TARBP1: variants seen among roughly 807,000 people sequenced by gnomAD.
TARBP1 encodes tRNA (guanosine(18)-2'-O)-methyltransferase TARBP1.
Under a neutral mutation model 178.6 loss-of-function variants are expected in TARBP1, and 144 were observed. The ratio of observed to expected loss-of-function variants is 0.81; its 90% CI spans 0.70 to 0.93. TARBP1 has a LOEUF of 0.93. Ranked by LOEUF, TARBP1 falls within the 40% of genes least tolerant of loss-of-function variation. The pLI is 0.00. For missense variants in TARBP1, 2,067 were observed against 2,011.7 expected (o/e 1.03, Z -0.53); for synonymous variants, 787 against 781.0 (o/e 1.01, Z -0.13).
rs113100804 is a variant in TARBP1, at chr1:234,462,193, C to T, written c.1399+1644G>A. On this transcript the variant is annotated intron_variant, in intron 6 of 29. Transcript: ENST00000040877. ...CAATGGCCAAGTTTCTATTTCACAT[C>T]GATTCAACATATTTACCAAGCATCT... Among the ~76,000 whole-genome samples, 810 of 152,350 alleles carry T rather than the reference C, an allele frequency of 5.3e-3. 8 individuals are homozygous for T. Among genetic ancestry groups the T allele is most frequent in the African/African-American group, 0.019 (776 of 41,574 alleles).
chr1:234,429,756 T>G, intron 15 of TARBP1, 79 bp from the exon 16 acceptor site: 19 of 777,190 alleles, frequency 2.4e-5, no homozygotes, highest in South Asian at 3.3e-5. Flanking sequence ...CACTATCCTT[T>G]CTAAAGGTGG....
chr1:234,467,624 G>A lies in TARBP1; in HGVS notation c.1126C>T (p.His376Tyr). The A allele has an allele frequency of 6.3e-7, 1 of 1,597,878 alleles. No homozygotes were observed. The highest frequency in any genetic ancestry group is 8.5e-7 in the Non-Finnish European group (1 of 1,175,674). Residue 376 changes from histidine (H) to tyrosine (Y), a missense_variant, in exon 4 of 30, where the codon CAT becomes TAT. Coordinates refer to ENST00000040877, the MANE Select transcript of TARBP1 (RefSeq NM_005646.4). Reference protein sequence around the residue: ...NGCWLFHPSWHMCIYKRMFES... With the variant: ...NGCWLFHPSWYMCIYKRMFES... ...AACATTCTTTTATAAATACACATATGCCAGGATGGGTGAAAGAGCCAACAT... is the reference window on the plus strand; with the variant it reads ...AACATTCTTTTATAAATACACATATACCAGGATGGGTGAAAGAGCCAACAT...
In TARBP1 at chr1:234,478,469, C is replaced by T; in HGVS notation, c.635G>A (p.Gly212Asp). The T allele has an allele frequency of 7.2e-7, 1 of 1,382,044 alleles. No individual in the cohort carries two copies. Among genetic ancestry groups the T allele is most frequent in the Non-Finnish European group, 9.4e-7 (1 of 1,064,606 alleles). 85.6% of individuals were successfully genotyped at this position (1,382,044 alleles called of 1,614,324 possible). A position where few individuals can be genotyped will look rare whatever the true frequency, so the allele number is the denominator to read the frequency against. Residue 212 changes from glycine (G) to aspartate (D), a missense_variant, in exon 1 of 30, where the codon GGC becomes GAC. Coordinates refer to ENST00000040877, the MANE Select transcript of TARBP1 (RefSeq NM_005646.4). The stretch of plus-strand genomic sequence containing the variant: ...GGACGCCCCAGGCGCGGCCAGCCCG[C>T]CCCACACGGCCCGCAGCGCCGCCCC... ...CGGAALRAVW[G>D]GLAAPGASLG... is the part of the protein sequence containing the mutation.
chr1:234,431,553 T>G (rs1664432296), intron 14 of TARBP1, among the ~76,000 whole-genome samples: 1 of 152,224 alleles, frequency 6.6e-6, no homozygotes, highest in Admixed American at 6.5e-5. Flanking sequence ...CTGGATTAGT[T>G]ACACTGATTG....
At chr1:234,406,226 T>A in intron 23 of TARBP1, 127 bp from the exon 24 acceptor site, 1 of 810,488 alleles carries the variant, frequency 1.2e-6, no homozygotes, top group East Asian at 2.7e-5. Context: ...CTGGCTTTGC[T>A]ACCAGGGCCT....
intron 1 of TARBP1, among the ~76,000 whole-genome samples, chr1:234,475,216 C>T (rs1669466195): frequency 1.3e-5 from 2 of 152,302 alleles, no homozygotes; most frequent in Non-Finnish European, 2.9e-5. Flanking sequence ...GAGGCCCAGC[C>T]ATGCCCTGCA....
At chr1:234,419,378 T>C (rs1365081297) in intron 21 of TARBP1, among the ~76,000 whole-genome samples, 2 of 151,576 alleles carry the variant, frequency 1.3e-5, no homozygotes, top group African/African-American at 4.9e-5. Flanking sequence ...TCCACCTCTA[T>C]CATTCACCAC....
At chr1:234,411,343 A>G (rs1661798722) in intron 22 of TARBP1, among the ~76,000 whole-genome samples, 1 of 152,186 alleles carries the variant, frequency 6.6e-6, no homozygotes. Flanking sequence ...AAAAGACTTG[A>G]GCATCCTCAG....
chr1:234,391,759 T>G lies in TARBP1; in HGVS notation c.4698-14A>C. On this transcript the variant is annotated splice_polypyrimidine_tract_variant and intron_variant, in intron 29 of 29. Transcript: ENST00000040877. The stretch of plus-strand genomic sequence containing the variant: ...TCACGTTCATTTCTGAGGAAGAAAA[T>G]GGAAGAAAGATTAGTTTTCCTGTAA... 6.2e-7 allele frequency: 1 copy of G among 1,608,576 alleles called. No homozygotes were observed. The highest frequency in any genetic ancestry group is 1.1e-5 in the South Asian group (1 of 89,796).
At chr1:234,436,147 T>A (rs1436794646) in intron 13 of TARBP1, among the ~76,000 whole-genome samples, 6 of 152,226 alleles carry the variant, frequency 3.9e-5, no homozygotes, top group Non-Finnish European at 8.8e-5. Context: ...CCTCTGTTTT[T>A]AGCTTCAAAA....
At chr1:234,424,645 G>A (rs1663494244) in intron 20 of TARBP1, among the ~76,000 whole-genome samples, 1 of 152,154 alleles carries the variant, frequency 6.6e-6, no homozygotes, top group Non-Finnish European at 1.5e-5. Context: ...CATAACTGGG[G>A]CCAAGCACAG....
At chr1:234,417,141 A>C (rs1662519093) in intron 22 of TARBP1, among the ~76,000 whole-genome samples, 1 of 152,380 alleles carries the variant, frequency 6.6e-6, no homozygotes, top group Non-Finnish European at 1.5e-5. Flanking sequence ...TCTGCAGCTC[A>C]GATAAAATCC....
intron 26 of TARBP1, among the ~76,000 whole-genome samples, chr1:234,396,203 A>T (rs145831970): frequency 3.0e-4 from 45 of 152,322 alleles, no homozygotes; most frequent in Non-Finnish European, 5.3e-4. Context: ...CCATTCCAGT[A>T]ACACTGTATT....
At chr1:234,433,932 C>T (rs1042211387) in intron 13 of TARBP1, among the ~76,000 whole-genome samples, 1 of 152,206 alleles carries the variant, frequency 6.6e-6, no homozygotes, top group Non-Finnish European at 1.5e-5. Flanking sequence ...ATGACTACTT[C>T]CACTGTTTAC....
At position 234,467,561 on chromosome 1, in the gene TARBP1, T is replaced by A. The variant is rs1668574618; in HGVS notation, c.1189A>T (p.Ile397Phe). Residue 397 changes from isoleucine to phenylalanine, a missense_variant, in exon 4 of 30, where the codon ATC (isoleucine) becomes TTC (phenylalanine). By Grantham distance (21) the Ile-to-Phe change is conservative. Coordinates refer to ENST00000040877, the MANE Select transcript of TARBP1 (RefSeq NM_005646.4). ...ENKILSKEGV[I>F]HFLELYETKI... ...GTTTCATACAGCTCCAAAAAATGGA[T>A]AACACCTTCTTTGGACAGGATTTTG... 1 of 1,607,546 alleles carries A rather than the reference T, an allele frequency of 6.2e-7. No homozygotes were observed. Among genetic ancestry groups the A allele is most frequent in the East Asian group, 2.3e-5 (1 of 44,260 alleles).
intron 4 of TARBP1, among the ~76,000 whole-genome samples, chr1:234,466,486 T>C (rs1668450400): frequency 1.3e-5 from 2 of 152,012 alleles, no homozygotes; most frequent in Non-Finnish European, 2.9e-5. Context: ...CACTCCAGCC[T>C]CGGCAACAGA....
intron 22 of TARBP1, among the ~76,000 whole-genome samples, chr1:234,417,083 G>T (rs969515406): frequency 6.6e-6 from 1 of 152,234 alleles, no homozygotes; most frequent in Non-Finnish European, 1.5e-5. Flanking sequence ...CTACCAATGC[G>T]AAGGCGTGAA....
At position 234,446,802 on chromosome 1, in the gene TARBP1, C is replaced by T. The variant is rs1452202575; in HGVS notation, c.2134+1G>A. The T allele has an allele frequency of 6.2e-7, 1 of 1,613,038 alleles. No homozygotes were observed. Among genetic ancestry groups the T allele is most frequent in the Non-Finnish European group, 8.5e-7 (1 of 1,179,580 alleles). On this transcript the variant is annotated splice_donor_variant, in intron 12 of 29. Coordinates refer to ENST00000040877, the MANE Select transcript of TARBP1 (RefSeq NM_005646.4). LOFTEE classifies it high-confidence loss of function. ...TACCAAGAGAAACAACTTATCCTCACCATCTTGGGCACTGGAACCTTTCAA... is the reference window on the plus strand; with the variant it reads ...TACCAAGAGAAACAACTTATCCTCATCATCTTGGGCACTGGAACCTTTCAA...
At chr1:234,412,687 G>A (rs1448405387) in intron 22 of TARBP1, among the ~76,000 whole-genome samples, 1 of 152,120 alleles carries the variant, frequency 6.6e-6, no homozygotes, top group African/African-American at 2.4e-5. Context: ...ACTGAGATGT[G>A]AAGGGAGAGA....
Sources: allele counts gnomAD v4.1 joint callset (sites outside exome capture counted in the v4.1 genomes callset), GRCh38; gene constraint gnomAD v4.1.1; transcripts MANE v1.5; gene names NCBI Gene and HGNC (gene_info 2026-07-23, HGNC 2026-07-21).